Variants in ABCD4 observed in about 807,000 individuals in gnomAD.
ABCD4 encodes the protein lysosomal cobalamin transporter ABCD4.
Under a neutral mutation model 86.3 loss-of-function variants are expected in ABCD4, and 53 were observed. The ratio of observed to expected loss-of-function variants is 0.61; its 90% confidence interval spans 0.49 to 0.77. The LOEUF is 0.77. Ranked by LOEUF, ABCD4 falls within the 30% of genes least tolerant of loss-of-function variation. ABCD4 has a pLI of 0.00. For missense variants in ABCD4, 757 were observed against 764.5 expected, an observed-to-expected ratio of 0.99 and a Z score of 0.12; for synonymous variants, 328 against 313.6, an observed-to-expected ratio of 1.05 and a Z score of -0.49.
Position 74,295,948 on chromosome 14 carries a change from C to T in ABCD4, c.574G>A (p.Gly192Arg), listed in dbSNP as rs1186487692. ...ACCACGGTCCCCAGGATGAAATACC[C>T]GAAGATGCTCACAGGCCCGAGCCAG... ...TGWLGPVSIF[G>R]YFILGTVVNK... is the part of the protein sequence containing the mutation. Residue 192 changes from glycine (G) to arginine (R), a missense_variant, in exon 6 of 19, where the codon GGG (glycine) becomes AGG (arginine). By Grantham distance (125) the Gly-to-Arg change is moderately radical (BLOSUM62 -2). Transcript: ENST00000356924. 1.2e-6 allele frequency: 2 copies of T among 1,611,914 alleles called. No individual in the cohort carries two copies. The highest frequency in any genetic ancestry group is 1.7e-6 in the Non-Finnish European group (2 of 1,179,522).
At chr14:74,288,386 T>C (rs2080424011) in intron 15 of ABCD4, 127 bp from the exon 16 acceptor site, 1 of 929,528 alleles carries the variant, frequency 1.1e-6, no homozygotes, top group Non-Finnish European at 1.6e-6. Context: ...CCCAGTGGCA[T>C]ACCAAGGCGG....
rs780512428 is a variant in ABCD4 at position 74,289,513 on chromosome 14, A to AT, written c.1425dup (p.Tyr476IlefsTer15). 16 of 1,613,650 alleles carry AT rather than the reference A, an allele frequency of 9.9e-6. No homozygotes were observed. Among genetic ancestry groups the AT allele is most frequent in the Non-Finnish European group, 1.4e-5 (16 of 1,179,904 alleles). On this transcript the variant is annotated frameshift_variant, in exon 14 of 19. Transcript: ENST00000356924. LOFTEE classifies it high-confidence loss of function. ...TCGGGGTAGACCTCCTTCAGGGGATATATCACCTGAGAAAAGAAAAAAACC... is the reference window on the plus strand; with the variant it reads ...TCGGGGTAGACCTCCTTCAGGGGATATTATCACCTGAGAAAAGAAAAAAACC...
intron 1 of ABCD4, among the ~76,000 whole-genome samples, chr14:74,302,113 C>G (rs1019134481): frequency 3.3e-5 from 5 of 152,126 alleles, no homozygotes; most frequent in Admixed American, 2.6e-4. Context: ...GGACCCAACT[C>G]TGGGGTGGAT....
intron 8 of ABCD4, 130 bp downstream of exon 8, chr14:74,293,024 C>A (rs1459378276): frequency 1.2e-5 from 17 of 1,439,892 alleles, no homozygotes; most frequent in South Asian, 8.9e-5. Context: ...AACAGCCCCC[C>A]CTCCTCATCC....
chr14:74,288,414 TG>T, intron 15 of ABCD4, 155 bp from the exon 16 acceptor site: 1 of 729,444 alleles, frequency 1.4e-6, no homozygotes, highest in East Asian at 2.7e-5. Context: ...TGGGACAGTC[TG>T]CCCCAGGCAG....
At chr14:74,298,143 A>C (rs987135921) in intron 3 of ABCD4, 74 bp from the exon 4 acceptor site, 207 of 1,566,138 alleles carry the variant, frequency 1.3e-4, no homozygotes, top group Non-Finnish European at 1.7e-4. Context: ...CAAGGCTCGC[A>C]AGAGCCTCCG....
intron 14 of ABCD4, 23 bp from the exon 15 acceptor site, chr14:74,288,788 G>A: frequency 1.2e-6 from 2 of 1,611,978 alleles, no homozygotes; most frequent in Non-Finnish European, 1.7e-6. Flanking sequence ...GAAGCCTTCT[G>A]CAAAAAGCCA....
intron 11 of ABCD4, among the ~76,000 whole-genome samples, chr14:74,291,779 TACA>T (rs1403894816): frequency 6.6e-6 from 1 of 152,190 alleles, no homozygotes; most frequent in East Asian, 1.9e-4. Context: ...ATCTAATCCC[TACA>T]ACAAGTGAAG....
intron 3 of ABCD4, chr14:74,299,281 G>A (rs1246539616): frequency 6.0e-6 from 2 of 334,390 alleles, no homozygotes; most frequent in East Asian, 6.6e-5. Flanking sequence ...AAGGAAAGGG[G>A]CAATGATCAG....
rs779318780 is a variant in ABCD4, at chr14:74,287,814, G to A, written c.1632C>T (p.Tyr544=). 11 of 1,611,210 alleles carry A rather than the reference G, an allele frequency of 6.8e-6. No homozygotes were observed. Among genetic ancestry groups the A allele is most frequent in the Middle Eastern group, 1.7e-4 (1 of 6,054 alleles). ...AGCCACAAGGCGAGACCTCACCTGC[G>A]TACTTCGGCTGCAGGTAGAAGAGTC... ...FARLFYLQPK[Y]AVLDEATSAL... is the part of the protein sequence containing the mutation. The change falls in exon 17 of 19, where the codon TAC becomes TAT. Residue 544 remains tyrosine, a synonymous_variant. Coordinates refer to ENST00000356924, the MANE Select transcript of ABCD4 (RefSeq NM_005050.4).
At chr14:74,296,960 G>GGCAGCA (rs1306926880) in intron 4 of ABCD4, 2 of 153,214 alleles carry the variant, frequency 1.3e-5, no homozygotes, top group East Asian at 1.9e-4. Context: ...CTAGAAGTTA[G>GGCAGCA]GCAGCAGCAG....
chr14:74,286,627 G>C, intron 18 of ABCD4, 74 bp downstream of exon 18: 2 of 1,612,306 alleles, frequency 1.2e-6, no homozygotes, highest in Non-Finnish European at 1.7e-6. Context: ...CCGTTTTGAG[G>C]GGCCTCTGGC....
At position 74,286,590 on chromosome 14, in the gene ABCD4, C is replaced by G. The variant is rs761075992; in HGVS notation, c.1753-61G>C. 1.9e-6 allele frequency: 3 copies of G among 1,612,312 alleles called. No homozygotes were observed. In the Admixed American group the frequency reaches 5.0e-5, roughly 27 times the overall value. On this transcript the variant is annotated intron_variant, in intron 18 of 18. Transcript: ENST00000356924. ...CCCTGGCCGCTGGCAGAGGAGGCCACTCGGTTCTCTCTGCTACTGCTACTC... is the reference window on the plus strand; with the variant it reads ...CCCTGGCCGCTGGCAGAGGAGGCCAGTCGGTTCTCTCTGCTACTGCTACTC...
intron 17 of ABCD4, 79 bp downstream of exon 17, chr14:74,287,730 TG>T: frequency 1.5e-6 from 2 of 1,338,960 alleles, no homozygotes; most frequent in Non-Finnish European, 2.1e-6. Flanking sequence ...CAGGTGTGCC[TG>T]GGTGCCTGTG....
Position 74,285,835 on chromosome 14 carries a change from T to C in ABCD4, c.*626A>G, listed in dbSNP as rs1339223451. 1.3e-5 allele frequency: 2 copies of C among 152,288 alleles called. No individual in the cohort carries two copies. Among genetic ancestry groups the C allele is most frequent in the Non-Finnish European group, 1.5e-5 (1 of 68,150 alleles). 9.4% of individuals were successfully genotyped at this position (152,288 alleles called of 1,614,324 possible). A position where few individuals can be genotyped will look rare whatever the true frequency, so the allele number is the denominator to read the frequency against. ...GGTTCAGGTTCTAACTACACAACACTGGCAAGTGGAAAGGGAGATGTGGGG... is the reference window on the plus strand; with the variant it reads ...GGTTCAGGTTCTAACTACACAACACCGGCAAGTGGAAAGGGAGATGTGGGG... On this transcript the variant is annotated 3_prime_UTR_variant, in exon 19 of 19. Transcript: ENST00000356924.
Position 74,302,854 on chromosome 14 carries a change from C to T in ABCD4, c.38+21G>A, listed in dbSNP as rs574228631. ...CCCGGAACTCCTGCTCCCAAACCTCCTCCCCGACCGCCCTGCTTACCTGGC... is the reference window on the plus strand; with the variant it reads ...CCCGGAACTCCTGCTCCCAAACCTCTTCCCCGACCGCCCTGCTTACCTGGC... On this transcript the variant is annotated intron_variant, in intron 1 of 18. Transcript: ENST00000356924. 99 of 1,605,198 alleles carry T rather than the reference C, an allele frequency of 6.2e-5. 1 individual carries two copies. The South Asian group carries it at 9.5e-4, about 15-fold the overall frequency.
At chr14:74,296,087 G>T in intron 5 of ABCD4, 108 bp from the exon 6 acceptor site, 1 of 1,457,144 alleles carries the variant, frequency 6.9e-7, no homozygotes. Context: ...TGTCCAATCT[G>T]AGTGGCCCAA....
rs1290816055 is a variant in ABCD4 at position 74,292,534 on chromosome 14, G to C, written c.1028+17C>G. 6 of 1,613,222 alleles carry C rather than the reference G, an allele frequency of 3.7e-6. No individual in the cohort carries two copies. Among genetic ancestry groups the C allele is most frequent in the Non-Finnish European group, 5.1e-6 (6 of 1,179,482 alleles). On this transcript the variant is annotated intron_variant, in intron 10 of 18. Transcript: ENST00000356924. Reference sequence around the variant, plus strand: ...CACACTTTGCTCAGGAGCCAGAGGGGTGGGACACGGCCTCACCTGTGCGTG... The same window carrying C: ...CACACTTTGCTCAGGAGCCAGAGGGCTGGGACACGGCCTCACCTGTGCGTG...
rs148964775 is a variant in ABCD4 at position 74,295,311 on chromosome 14, C to T, written c.669-113G>A. On this transcript the variant is annotated intron_variant, in intron 6 of 18. Coordinates refer to ENST00000356924, the MANE Select transcript of ABCD4 (RefSeq NM_005050.4). ...GCGGAGCCCGGCTCTGCCTCAAAACCGTGGCTGCCTCAGTCTGACCCTTTC... is the reference window on the plus strand; with the variant it reads ...GCGGAGCCCGGCTCTGCCTCAAAACTGTGGCTGCCTCAGTCTGACCCTTTC... 2,045 of 1,263,446 alleles carry T rather than the reference C, an allele frequency of 1.6e-3. 22 individuals are homozygous for T. In the African/African-American group the frequency reaches 0.026, roughly 16 times the overall value. The allele number at this position is 1,263,446 out of a possible 1,614,324, so 78.3% of individuals were successfully genotyped here.
Sources: gnomAD v4.1 joint callset for allele counts (sites outside exome capture counted in the v4.1 genomes callset) on GRCh38, gnomAD v4.1.1 for gene constraint, MANE v1.5 for transcripts, NCBI Gene and HGNC (gene_info 2026-07-23, HGNC 2026-07-21) for gene names.